CELSR1: variants seen among roughly 807,000 people sequenced by gnomAD.
CELSR1 encodes the protein cadherin EGF LAG seven-pass G-type receptor 1.
A neutral mutation model predicts 249.1 loss-of-function variants in CELSR1; 110 were observed. The observed-to-expected ratio is 0.44, with a 90% confidence interval of 0.38 to 0.52. The LOEUF (loss-of-function observed/expected upper bound fraction) is 0.52, where lower values mean the gene tolerates loss of function less well. CELSR1 is among the 20% of genes least tolerant of loss of function. CELSR1 has a pLI of 0.00. For synonymous variants in CELSR1, 2,113 were observed against 1,900.0 expected, an observed-to-expected ratio of 1.11 and a Z score of -2.92; for missense variants, 4,109 against 4,296.4, an observed-to-expected ratio of 0.96 and a Z score of 1.22.
chr22:46,474,529 AAG>A (rs2080187632), intron 1 of CELSR1, among the ~76,000 whole-genome samples: 1 of 152,160 alleles, frequency 6.6e-6, no homozygotes, highest in African/African-American at 2.4e-5. Context: ...AAACTCAAAT[AAG>A]TGTATTTAAT....
intron 1 of CELSR1, among the ~76,000 whole-genome samples, chr22:46,491,989 C>G (rs1047431961): frequency 6.6e-6 from 1 of 152,188 alleles, no homozygotes; most frequent in Non-Finnish European, 1.5e-5. Flanking sequence ...AGGCTTCACC[C>G]CACGTCTGTT....
At chr22:46,367,249 C>G (rs1370129638) in intron 28 of CELSR1, 131 bp from the exon 29 acceptor site, 1 of 1,234,234 alleles carries the variant, frequency 8.1e-7, no homozygotes. Context: ...CAGGACACGG[C>G]CAGGCCTCCC....
chr22:46,460,812 G>A (rs1316311360), intron 2 of CELSR1, among the ~76,000 whole-genome samples: 1 of 152,160 alleles, frequency 6.6e-6, no homozygotes, highest in Non-Finnish European at 1.5e-5. Flanking sequence ...AAAGATCAGG[G>A]GAATCCACAG....
chr22:46,426,010 C>T (rs1196052751), intron 5 of CELSR1, among the ~76,000 whole-genome samples: 1 of 152,114 alleles, frequency 6.6e-6, no homozygotes, highest in Non-Finnish European at 1.5e-5. Context: ...CTTCCTTCTT[C>T]CCTTCCTCCC....
At chr22:46,439,492 A>C in intron 2 of CELSR1, 81 bp from the exon 3 acceptor site, 1 of 1,162,258 alleles carries the variant, frequency 8.6e-7, no homozygotes, top group South Asian at 1.4e-5. Flanking sequence ...CAGACCCTGG[A>C]CACACCCCAG....
chr22:46,536,990 G>A lies in CELSR1; in HGVS notation c.181C>T (p.Pro61Ser). Residue 61 changes from proline to serine, a missense_variant, in exon 1 of 35, where the codon CCG (proline) becomes TCG (serine). Physicochemically the swap from Pro to Ser is moderately conservative, Grantham distance 74. Around this residue, in one of 7 missense-constraint regions of CELSR1, gnomAD observed 673 missense variants for 636.8 expected, o/e 1.06. Coordinates refer to ENST00000674500, the MANE Select transcript of CELSR1 (RefSeq NM_001378328.1). ...AVGAACTPRAPRELLDVGRDG... is the reference protein window; with the variant it reads ...AVGAACTPRASRELLDVGRDG... ...CGGCCCACGTCCAGCAGCTCCCGCG[G>A]CGCCCGGGGCGTGCAAGCGGCGCCC... The A allele has an allele frequency of 8.9e-7, 1 of 1,119,866 alleles. No homozygotes were observed. The highest frequency in any genetic ancestry group is 3.8e-5 in the South Asian group (1 of 25,978). The allele number at this position is 1,119,866 out of a possible 1,614,324, so 69.4% of individuals were successfully genotyped here.
At position 46,390,369 on chromosome 22, in the gene CELSR1, A is replaced by G. The variant is rs758497182; in HGVS notation, c.6345+23T>C. On this transcript the variant is annotated intron_variant, in intron 17 of 34. Coordinates refer to ENST00000674500, the MANE Select transcript of CELSR1 (RefSeq NM_001378328.1). The surrounding 1 kb of genome is among the most constrained non-coding windows in gnomAD (Gnocchi z 6.3). The stretch of plus-strand genomic sequence containing the variant: ...GAACACACACGTGCCCCTGCTGAAC[A>G]CACATCCCCGAGGCGCCCCTACCAT... 8 of 1,586,482 alleles carry G rather than the reference A, an allele frequency of 5.0e-6. No individual in the cohort carries two copies. The highest frequency in any genetic ancestry group is 6.9e-6 in the Non-Finnish European group (8 of 1,159,612).
intron 3 of CELSR1, 95 bp downstream of exon 3, chr22:46,439,094 A>G (rs779888839): frequency 1.7e-6 from 2 of 1,180,802 alleles, no homozygotes; most frequent in Non-Finnish European, 1.2e-6. Context: ...CACACGGAGG[A>G]CATCAACGTC....
At chr22:46,420,129 CAT>C (rs1256853168) in intron 5 of CELSR1, among the ~76,000 whole-genome samples, 1 of 151,444 alleles carries the variant, frequency 6.6e-6, no homozygotes, top group Non-Finnish European at 1.5e-5. Context: ...TTCACACTCA[CAT>C]ATACACTCAC....
At chr22:46,489,911 T>A (rs1173635265) in intron 1 of CELSR1, among the ~76,000 whole-genome samples, 1 of 148,118 alleles carries the variant, frequency 6.8e-6, no homozygotes, top group Non-Finnish European at 1.5e-5. Context: ...AAAAAGCCCA[T>A]CCTTCCTGCA....
intron 17 of CELSR1, 111 bp from the exon 18 acceptor site, chr22:46,389,610 G>T: frequency 8.2e-7 from 1 of 1,217,946 alleles, no homozygotes; most frequent in Non-Finnish European, 1.2e-6. Context: ...TGTCAGAAAG[G>T]AACTTTAAAA....
intron 1 of CELSR1, among the ~76,000 whole-genome samples, chr22:46,485,878 G>A (rs938626191): frequency 4.0e-5 from 6 of 150,304 alleles, no homozygotes; most frequent in African/African-American, 4.9e-5. Context: ...ACAGTGATAT[G>A]TGTCGTGGCC....
chr22:46,435,279 A>AATT lies in CELSR1; in HGVS notation c.4522+894_4522+895insAAT, dbSNP rs1491093378. Among the ~76,000 whole-genome samples the AATT allele has an allele frequency of 3.3e-3, 355 of 108,416 alleles. 9 individuals are homozygous for AATT. The highest frequency in any genetic ancestry group is 0.015 in the African/African-American group (337 of 22,638). The allele number at this position is 108,416 out of a possible 152,430, so 71.1% of individuals were successfully genotyped here. ...CCTTGTCCAAAAAAAAAAAAAAAAA[A>AATT]TTTTTTTTTTTTTTTTTTTTGAGAT... is the stretch of plus-strand genomic sequence containing the variant. On this transcript the variant is annotated intron_variant, in intron 4 of 34. Coordinates refer to ENST00000674500, the MANE Select transcript of CELSR1 (RefSeq NM_001378328.1).
Position 46,410,420 on chromosome 22 carries a change from G to C in CELSR1, c.4911C>G (p.Ile1637Met). Residue 1637 changes from isoleucine to methionine, a missense_variant, in exon 7 of 35, where the codon ATC becomes ATG. By Grantham distance (10) the Ile-to-Met change is conservative. Transcript: ENST00000674500. This position sits in a 1 kb window ranked among gnomAD's most constrained non-coding sequence, Gnocchi z 6.8. ...DGKNVDMAGFIANNGTREGCA... is the reference protein window; with the variant it reads ...DGKNVDMAGFMANNGTREGCA... ...TACCTTCCCGGGTGCCATTGTTGGC[G>C]ATGAATCCGGCCATGTCCACATTTT... 6.2e-7 allele frequency: 1 copy of C among 1,613,860 alleles called. No homozygotes were observed. Among genetic ancestry groups the C allele is most frequent in the Non-Finnish European group, 8.5e-7 (1 of 1,179,868 alleles).
rs186906862 is a variant in CELSR1, at chr22:46,390,191, G to T, written c.6345+201C>A. Among the ~76,000 whole-genome samples the T allele has an allele frequency of 0.011, 1,726 of 152,322 alleles. 13 individuals carry two copies. The highest frequency in any genetic ancestry group is 0.034 in the Middle Eastern group (10 of 294). On this transcript the variant is annotated intron_variant, in intron 17 of 34. Transcript: ENST00000674500. The surrounding 1 kb of genome is among the most constrained non-coding windows in gnomAD (Gnocchi z 6.3). ...CTCTGGGGGAGAGAAGTCCACGTGG[G>T]GGTGCCTGGCTCAGGTGCCAACACC... is the stretch of plus-strand genomic sequence containing the variant.
intron 5 of CELSR1, among the ~76,000 whole-genome samples, chr22:46,420,676 T>C (rs2079460281): frequency 6.6e-6 from 1 of 152,200 alleles, no homozygotes; most frequent in South Asian, 2.1e-4. Flanking sequence ...TACAAAGTCA[T>C]GGCCTGCTCC....
At chr22:46,415,612 A>T (rs2079390604) in intron 5 of CELSR1, among the ~76,000 whole-genome samples, 1 of 150,388 alleles carries the variant, frequency 6.6e-6, no homozygotes, top group African/African-American at 2.5e-5. Context: ...ACTTCACCTC[A>T]ATAAGGAAAA....
At position 46,409,738 on chromosome 22, in the gene CELSR1, C is replaced by G. The variant is rs747706172; in HGVS notation, c.5059+17G>C. On this transcript the variant is annotated intron_variant, in intron 8 of 34. Coordinates refer to ENST00000674500, the MANE Select transcript of CELSR1 (RefSeq NM_001378328.1). The surrounding 1 kb of genome is among the most constrained non-coding windows in gnomAD (Gnocchi z 9.8). ...AGGCCGCCGTGACCGGGGGGATGGA[C>G]GACGCCGGCCACTCACCTTGCTCAC... The G allele has an allele frequency of 6.2e-7, 1 of 1,611,292 alleles. No individual in the cohort carries two copies. Among genetic ancestry groups the G allele is most frequent in the African/African-American group, 1.3e-5 (1 of 75,046 alleles).
At position 46,391,267 on chromosome 22, in the gene CELSR1, T is replaced by C. The variant is rs1274713659; in HGVS notation, c.6169A>G (p.Lys2057Glu). ...GCEVIYNGCP[K>E]AFEAGIWWPQ... is the part of the protein sequence containing the mutation. ...CACCAGATGCCGGCCTCAAATGCTT[T>C]GGGACAGCCATTGTAGATCACTGGG... The change falls in exon 16 of 35, where the codon AAA becomes GAA. Residue 2057 changes from lysine to glutamate, a missense_variant. This residue lies in a region of CELSR1 where 1,805 missense variants were observed against 1,831.6 expected (regional missense o/e 0.99). Coordinates refer to ENST00000674500, the MANE Select transcript of CELSR1 (RefSeq NM_001378328.1). The surrounding 1 kb of genome is among the most constrained non-coding windows in gnomAD (Gnocchi z 4.3). 3.7e-6 allele frequency: 6 copies of C among 1,613,494 alleles called. No individual in the cohort carries two copies. The highest frequency in any genetic ancestry group is 1.1e-5 in the South Asian group (1 of 91,056).
Sources: allele counts gnomAD v4.1 joint callset (sites outside exome capture counted in the v4.1 genomes callset), GRCh38; gene constraint gnomAD v4.1.1; regional missense constraint gnomAD v4.1.1; non-coding constraint Gnocchi (gnomAD v3.1); transcripts MANE v1.5; gene names NCBI Gene and HGNC (gene_info 2026-07-23, HGNC 2026-07-21).